The following WDR59 variants were observed in gnomAD, a reference collection of about 807,000 sequenced individuals.
WDR59 encodes the protein GATOR2 complex protein WDR59.
A neutral mutation model predicts 131.2 loss-of-function variants in WDR59; 100 were observed. That is an observed-to-expected ratio of 0.76 (90% confidence interval 0.65 to 0.90). The LOEUF is 0.90. Ranked by LOEUF, WDR59 falls within the 40% of genes least tolerant of loss-of-function variation. The probability of loss-of-function intolerance (pLI) is 0.00; values close to 1 mark genes in which losing one functional copy is unlikely to be tolerated. For missense variants in WDR59, 1,203 were observed against 1,262.2 expected, an observed-to-expected ratio of 0.95 and a Z score of 0.71; for synonymous variants, 601 against 466.2, an observed-to-expected ratio of 1.29 and a Z score of -3.72.
chr16:74,949,019 A>G (rs1392344098), intron 5 of WDR59, among the ~76,000 whole-genome samples: 1 of 152,106 alleles, frequency 6.6e-6, no homozygotes, highest in Non-Finnish European at 1.5e-5. Context: ...AAAGAAAGAA[A>G]GAAAGAAAAC....
chr16:74,969,113 G>A (rs568098114), intron 1 of WDR59, among the ~76,000 whole-genome samples: 2 of 152,308 alleles, frequency 1.3e-5, no homozygotes, highest in South Asian at 2.1e-4. Context: ...CTGCAAGTGA[G>A]GAGGGGAAGC....
intron 24 of WDR59, 21 bp downstream of exon 24, chr16:74,886,249 C>T: frequency 6.3e-7 from 1 of 1,599,872 alleles, no homozygotes. Flanking sequence ...CATTGCAGCT[C>T]TCACCTGGGA....
chr16:74,918,196 C>T (rs1464588099), intron 10 of WDR59, among the ~76,000 whole-genome samples, 188 bp from the exon 11 acceptor site: 3 of 152,148 alleles, frequency 2.0e-5, no homozygotes, highest in Non-Finnish European at 4.4e-5. Flanking sequence ...TTATAGATCT[C>T]GCATTCCAGT....
intron 10 of WDR59, among the ~76,000 whole-genome samples, chr16:74,920,401 T>C (rs1486590484): frequency 6.6e-6 from 1 of 152,028 alleles, no homozygotes; most frequent in Admixed American, 6.6e-5. Context: ...GGGTTAAATA[T>C]ATATATATAT....
At chr16:74,984,707 G>C in intron 1 of WDR59, 2 of 542,228 alleles carry the variant, frequency 3.7e-6, no homozygotes, top group South Asian at 4.3e-5. Flanking sequence ...CGCAGTCTCT[G>C]CCTCAGTGTC....
chr16:74,871,671 G>A lies in WDR59; in HGVS notation c.*2538C>T, dbSNP rs9933622. 0.52 allele frequency: 79,330 copies of A among 152,144 alleles called. 21,356 individuals carry two copies. Among genetic ancestry groups the A allele is most frequent in the Admixed American group, 0.61 (9,312 of 15,280 alleles). 9.4% of individuals were successfully genotyped at this position (152,144 alleles called of 1,614,324 possible). A position where few individuals can be genotyped will look rare whatever the true frequency, so the allele number is the denominator to read the frequency against. On this transcript the variant is annotated 3_prime_UTR_variant, in exon 26 of 26. Transcript: ENST00000262144. The stretch of plus-strand genomic sequence containing the variant: ...GTTTTTACACTAACTTGAGCAGTGG[G>A]GAACAGGAAAAGATTGCTCTCTGCA...
chr16:74,948,596 T>C (rs377568514), intron 5 of WDR59, 40 bp from the exon 6 acceptor site: 31 of 1,508,602 alleles, frequency 2.1e-5, no homozygotes, highest in Admixed American at 5.0e-5. Context: ...CCAATTTATA[T>C]GCCACCACCC....
At chr16:74,983,164 G>C (rs185583746) in intron 1 of WDR59, among the ~76,000 whole-genome samples, 275 of 152,232 alleles carry the variant, frequency 1.8e-3, no homozygotes, top group African/African-American at 5.9e-3. Context: ...GCAACACAAA[G>C]AGACTCTGTC....
At chr16:74,910,448 C>T (rs950119925) in intron 14 of WDR59, among the ~76,000 whole-genome samples, 3 of 152,148 alleles carry the variant, frequency 2.0e-5, no homozygotes, top group African/African-American at 7.2e-5. Flanking sequence ...AGGCAGCACA[C>T]GTGGATTTTG....
Position 74,909,498 on chromosome 16 carries a change from C to A in WDR59, c.1642+3G>T. The A allele has an allele frequency of 6.4e-7, 1 of 1,560,114 alleles. No homozygotes were observed. Among genetic ancestry groups the A allele is most frequent in the Non-Finnish European group, 8.6e-7 (1 of 1,156,362 alleles). On this transcript the variant is annotated splice_donor_region_variant and intron_variant, in intron 16 of 25. Transcript: ENST00000262144. ...CTAGAATCAAAGAACCAAAGAGACCCACCTGCTCCGCAGAACCTGGCCCCA... is the reference window on the plus strand; with the variant it reads ...CTAGAATCAAAGAACCAAAGAGACCAACCTGCTCCGCAGAACCTGGCCCCA...
At chr16:74,974,637 G>A (rs943465304) in intron 1 of WDR59, among the ~76,000 whole-genome samples, 4 of 152,100 alleles carry the variant, frequency 2.6e-5, no homozygotes, top group South Asian at 4.1e-4. Context: ...GAGCCTCCCT[G>A]TGCCTCAACT....
At chr16:74,968,873 CCAT>C (rs1278669015) in intron 1 of WDR59, among the ~76,000 whole-genome samples, 1 of 152,146 alleles carries the variant, frequency 6.6e-6, no homozygotes, top group Admixed American at 6.6e-5. Flanking sequence ...CAGGTTACCA[CCAT>C]GTTTGCAGGA....
intron 4 of WDR59, 60 bp from the exon 5 acceptor site, chr16:74,949,858 A>C: frequency 2.0e-6 from 3 of 1,487,288 alleles, no homozygotes; most frequent in Non-Finnish European, 2.8e-6. Context: ...TCCAGGTCCA[A>C]AGCACTAGCA....
chr16:74,932,800 T>C (rs1390208363), intron 8 of WDR59, among the ~76,000 whole-genome samples: 1 of 152,178 alleles, frequency 6.6e-6, no homozygotes, highest in African/African-American at 2.4e-5. Flanking sequence ...TGATTGTTTA[T>C]TGATTGTCCA....
intron 14 of WDR59, among the ~76,000 whole-genome samples, chr16:74,910,260 G>A (rs745404591): frequency 2.6e-5 from 4 of 152,080 alleles, no homozygotes; most frequent in Admixed American, 1.3e-4. Context: ...GAGCCACTGC[G>A]CCCGGCCCTG....
Position 74,871,980 on chromosome 16 carries a change from A to G in WDR59, c.*2229T>C, listed in dbSNP as rs1964019035. 1.3e-5 allele frequency: 2 copies of G among 152,262 alleles called. No homozygotes were observed. The highest frequency in any genetic ancestry group is 2.9e-5 in the Non-Finnish European group (2 of 68,048). The allele number at this position is 152,262 out of a possible 1,614,324, so 9.4% of individuals were successfully genotyped here. ...TGCCCAGTAACACAGGGGACGAGGT[A>G]TAAGCTTCATCCAAAACAGTGTTGT... On this transcript the variant is annotated 3_prime_UTR_variant, in exon 26 of 26. Coordinates refer to ENST00000262144, the MANE Select transcript of WDR59 (RefSeq NM_030581.4).
chr16:74,940,859 T>C (rs556485729), intron 7 of WDR59, among the ~76,000 whole-genome samples: 2 of 151,910 alleles, frequency 1.3e-5, no homozygotes, highest in East Asian at 2.0e-4. Context: ...GCGCCCGCCA[T>C]CACGCCCAGC....
intron 13 of WDR59, among the ~76,000 whole-genome samples, chr16:74,913,074 G>C (rs1191949043): frequency 1.0e-4 from 3 of 29,784 alleles, no homozygotes; most frequent in African/African-American, 1.8e-4. Context: ...AGATTTTGGG[G>C]GGGGGGGGGG....
At chr16:74,945,745 G>T (rs977248246) in intron 6 of WDR59, among the ~76,000 whole-genome samples, 2 of 151,738 alleles carry the variant, frequency 1.3e-5, no homozygotes, top group African/African-American at 4.8e-5. Flanking sequence ...ACCTTCTACA[G>T]TGTGAGTCAC....
Sources: gnomAD v4.1 joint callset for allele counts (sites outside exome capture counted in the v4.1 genomes callset) on GRCh38, gnomAD v4.1.1 for gene constraint, MANE v1.5 for transcripts, NCBI Gene and HGNC (gene_info 2026-07-23, HGNC 2026-07-21) for gene names.